Variants in ARHGEF26 observed in about 807,000 individuals in gnomAD.
ARHGEF26 encodes the protein Rho guanine nucleotide exchange factor 26.
A neutral mutation model predicts 89.4 loss-of-function variants in ARHGEF26; 59 were observed. The observed-to-expected ratio is 0.66, with a 90% CI of 0.54 to 0.82. The LOEUF (loss-of-function observed/expected upper bound fraction) is 0.82. Among genes scored for constraint, ARHGEF26 ranks in the 40% least tolerant of loss-of-function variants. The probability of loss-of-function intolerance (pLI) is 0.00; values close to 1 mark genes in which losing one functional copy is unlikely to be tolerated. For missense variants in ARHGEF26, 1,234 were observed against 1,085.6 expected (o/e 1.14, Z -1.92); for synonymous variants, 500 against 428.4 (o/e 1.17, Z -2.06).
intron 11 of ARHGEF26, 139 bp downstream of exon 11, chr3:154,226,149 TA>T: frequency 1.4e-6 from 1 of 730,612 alleles, no homozygotes; most frequent in Non-Finnish European, 2.1e-6. Flanking sequence ...TAATTGCATC[TA>T]TGGTTCATTT....
At chr3:154,234,542 A>T (rs895016898) in intron 11 of ARHGEF26, among the ~76,000 whole-genome samples, 6 of 152,102 alleles carry the variant, frequency 3.9e-5, no homozygotes, top group African/African-American at 1.4e-4. Context: ...TCAACATTTT[A>T]AAAAAATATT....
chr3:154,205,862 G>T (rs916270804), intron 9 of ARHGEF26, among the ~76,000 whole-genome samples: 11 of 152,100 alleles, frequency 7.2e-5, no homozygotes, highest in African/African-American at 2.7e-4. Flanking sequence ...AGTGGTTGTA[G>T]TTACTATTTT....
intron 12 of ARHGEF26, 131 bp from the exon 13 acceptor site, chr3:154,252,985 C>T (rs1718250260): frequency 1.1e-6 from 1 of 918,556 alleles, no homozygotes; most frequent in Non-Finnish European, 1.7e-6. Context: ...ACTACTCTCA[C>T]CCTGTTTTAC....
Position 154,255,755 on chromosome 3 carries a change from C to T in ARHGEF26, c.*282C>T. ...CAGGGATCAGGTCATCTCTGCTCCT[C>T]CTAGTTTCACCATGTTCTGGCAATA... is the stretch of plus-strand genomic sequence containing the variant. On this transcript the variant is annotated 3_prime_UTR_variant, in exon 15 of 15. Transcript: ENST00000465093. The T allele has an allele frequency of 8.3e-7, 1 of 1,202,832 alleles. No individual in the cohort carries two copies. Among genetic ancestry groups the T allele is most frequent in the East Asian group, 3.9e-5 (1 of 25,960 alleles). 74.5% of individuals were successfully genotyped at this position (1,202,832 alleles called of 1,614,324 possible).
At chr3:154,200,540 C>T (rs1283571955) in intron 9 of ARHGEF26, among the ~76,000 whole-genome samples, 1 of 151,934 alleles carries the variant, frequency 6.6e-6, no homozygotes, top group Admixed American at 6.6e-5. Flanking sequence ...TTTGGCTATT[C>T]TGGGTCTTTT....
intron 6 of ARHGEF26, among the ~76,000 whole-genome samples, chr3:154,177,023 TGTGTGTTTCAAAGCCAGG>T (rs1712865772): frequency 6.6e-6 from 1 of 151,886 alleles, no homozygotes; most frequent in African/African-American, 2.4e-5. Flanking sequence ...TTGCAGAAGG[TGTGTGTTTCAAAGCCAGG>T]GTAGAGAAAT....
intron 11 of ARHGEF26, among the ~76,000 whole-genome samples, chr3:154,240,033 G>C (rs1017325826): frequency 3.9e-5 from 6 of 152,082 alleles, no homozygotes; most frequent in African/African-American, 1.4e-4. Flanking sequence ...ATAGAGATGT[G>C]GAAGCTGGGG....
chr3:154,245,108 A>G (rs927006117), intron 12 of ARHGEF26, among the ~76,000 whole-genome samples: 1 of 152,008 alleles, frequency 6.6e-6, no homozygotes, highest in Admixed American at 6.6e-5. Flanking sequence ...GCTCACTGCA[A>G]CCTCCCCTTC....
chr3:154,256,259 G>A lies in ARHGEF26; in HGVS notation c.*786G>A, dbSNP rs1718498599. ...GGGTCCTACTTTTTTCCCCACCTCT[G>A]TCGCCCAGGCTAGAGTATAGTGGTG... On this transcript the variant is annotated 3_prime_UTR_variant, in exon 15 of 15. Transcript: ENST00000465093. The A allele has an allele frequency of 2.0e-6, 2 of 985,082 alleles. No individual in the cohort carries two copies. Among genetic ancestry groups the A allele is most frequent in the African/African-American group, 1.7e-5 (1 of 57,192 alleles). The allele number at this position is 985,082 out of a possible 1,614,324, so 61.0% of individuals were successfully genotyped here. A position where few individuals can be genotyped will look rare whatever the true frequency, so the allele number is the denominator to read the frequency against.
At position 154,254,820 on chromosome 3, in the gene ARHGEF26, C is replaced by T. The variant is rs376753814; in HGVS notation, c.2469C>T (p.Ser823=). 5.0e-6 allele frequency: 8 copies of T among 1,613,098 alleles called. No homozygotes were observed. In the African/African-American group the frequency reaches 6.7e-5, roughly 13 times the overall value. ...TCGTCCTCATCTATCAACGTGTCAG[C>T]GATGGTGAGTGGGAGCGTTCTTATG... ...ADVVLIYQRV[S]DGWYEGERLR... is the part of the protein sequence containing the mutation. The change falls in exon 14 of 15, where the codon AGC becomes AGT. Residue 823 remains serine (S), a synonymous_variant. Transcript: ENST00000465093.
rs868109822 is a variant in ARHGEF26 at position 154,256,806 on chromosome 3, C to T, written c.*1333C>T. Reference sequence around the variant, plus strand: ...ATTCTATTTGCACTAAAAGCCTTAACTTGCTGTATTCAGAGTCCCTCTTAA... The same window carrying T: ...ATTCTATTTGCACTAAAAGCCTTAATTTGCTGTATTCAGAGTCCCTCTTAA... On this transcript the variant is annotated 3_prime_UTR_variant, in exon 15 of 15. Coordinates refer to ENST00000465093, the MANE Select transcript of ARHGEF26 (RefSeq NM_015595.4). 3 of 1,503,844 alleles carry T rather than the reference C, an allele frequency of 2.0e-6. No individual in the cohort carries two copies. Among genetic ancestry groups the T allele is most frequent in the Middle Eastern group, 1.7e-4 (1 of 5,808 alleles). 93.2% of individuals were successfully genotyped at this position (1,503,844 alleles called of 1,614,324 possible).
chr3:154,177,787 T>G (rs1212359711), intron 6 of ARHGEF26, among the ~76,000 whole-genome samples: 1 of 152,124 alleles, frequency 6.6e-6, no homozygotes, highest in Non-Finnish European at 1.5e-5. Flanking sequence ...TGAAAAGGGA[T>G]GAAACACATA....
At chr3:154,243,749 C>G (rs1290724437) in intron 12 of ARHGEF26, among the ~76,000 whole-genome samples, 1 of 149,510 alleles carries the variant, frequency 6.7e-6, no homozygotes, top group African/African-American at 2.5e-5. Context: ...TCTCCCCACC[C>G]CCACCCTCAA....
chr3:154,136,078 T>C (rs1379112261), intron 4 of ARHGEF26, among the ~76,000 whole-genome samples: 1 of 152,158 alleles, frequency 6.6e-6, no homozygotes, highest in African/African-American at 2.4e-5. Context: ...CAGCACCTAA[T>C]AGAGTCATCC....
At chr3:154,149,029 T>G (rs1341818338) in intron 4 of ARHGEF26, among the ~76,000 whole-genome samples, 1 of 152,170 alleles carries the variant, frequency 6.6e-6, no homozygotes, top group Non-Finnish European at 1.5e-5. Flanking sequence ...GCCCTGGAGT[T>G]GGACTGGCGT....
chr3:154,252,537 G>T (rs1483916939), intron 12 of ARHGEF26, among the ~76,000 whole-genome samples: 1 of 152,092 alleles, frequency 6.6e-6, no homozygotes, highest in Non-Finnish European at 1.5e-5. Context: ...AAAAGTATTG[G>T]TCATTTTTCC....
At chr3:154,145,284 A>G (rs1719630920) in intron 4 of ARHGEF26, among the ~76,000 whole-genome samples, 1 of 152,342 alleles carries the variant, frequency 6.6e-6, no homozygotes, top group Admixed American at 6.5e-5. Flanking sequence ...GGGATGACTC[A>G]GGTTACATTA....
intron 6 of ARHGEF26, among the ~76,000 whole-genome samples, chr3:154,158,643 T>C (rs943993978): frequency 1.3e-5 from 2 of 152,182 alleles, no homozygotes; most frequent in East Asian, 3.9e-4. Context: ...ATGATCTCCT[T>C]GTCTTTTAAG....
At chr3:154,153,078 T>C in intron 6 of ARHGEF26, 146 bp downstream of exon 6, 6 of 789,676 alleles carry the variant, frequency 7.6e-6, no homozygotes, top group Non-Finnish European at 1.1e-5. Flanking sequence ...TTTTGAGATA[T>C]GTTTCAAGTT....
Sources: allele counts gnomAD v4.1 joint callset (sites outside exome capture counted in the v4.1 genomes callset), GRCh38; gene constraint gnomAD v4.1.1; transcripts MANE v1.5; gene names NCBI Gene and HGNC (gene_info 2026-07-23, HGNC 2026-07-21).